SLC44A5: variants seen among roughly 807,000 people sequenced by gnomAD.
SLC44A5 encodes the protein solute carrier family 44 member 5, also known as choline transporter-like protein 5.
Under a neutral mutation model 101.8 loss-of-function variants are expected in SLC44A5, and 57 were observed. The ratio of observed to expected loss-of-function variants is 0.56; its 90% CI spans 0.45 to 0.70. The LOEUF is 0.70. SLC44A5 is among the 30% of genes least tolerant of loss of function. SLC44A5 has a pLI of 0.00. For missense variants in SLC44A5, 737 were observed against 853.1 expected, an observed-to-expected ratio of 0.86 and a Z score of 1.70; for synonymous variants, 281 against 290.9, an observed-to-expected ratio of 0.97 and a Z score of 0.35.
At chr1:75,699,613 A>G in the SLC44A5 span, among the ~76,000 whole-genome samples, 2 of 151,122 alleles carry the variant, frequency 1.3e-5, no homozygotes, top group South Asian at 4.2e-4. Context: ...AAAAAAAAAA[A>G]CACAGCTAAC....
At chr1:75,646,679 A>C in the SLC44A5 span, among the ~76,000 whole-genome samples, 2 of 152,124 alleles carry the variant, frequency 1.3e-5, no homozygotes, top group African/African-American at 4.8e-5. Context: ...TGGTTTTATA[A>C]GGGGCTTTTT....
chr1:75,441,956 A>G (rs186713139), intron 2 of SLC44A5, among the ~76,000 whole-genome samples: 23 of 152,280 alleles, frequency 1.5e-4, no homozygotes, highest in African/African-American at 5.5e-4. Flanking sequence ...ATTCCTACAT[A>G]TATTTCTATA....
chr1:75,294,039 A>C (rs1396551199), intron 5 of SLC44A5, among the ~76,000 whole-genome samples: 1 of 152,228 alleles, frequency 6.6e-6, no homozygotes, highest in Non-Finnish European at 1.5e-5. Flanking sequence ...CATTAAGAAA[A>C]GGTTCCTGGA....
At chr1:75,635,028 C>T in the SLC44A5 span, among the ~76,000 whole-genome samples, 1 of 150,710 alleles carries the variant, frequency 6.6e-6, no homozygotes, top group Non-Finnish European at 1.5e-5. Flanking sequence ...CAAAAGAAGA[C>T]ATTTATGCAG....
Position 75,470,536 on chromosome 1 carries a change from A to C in SLC44A5, c.13+70899T>G, listed in dbSNP as rs751526231. Among the ~76,000 whole-genome samples the C allele has an allele frequency of 2.0e-5, 3 of 152,184 alleles. No homozygotes were observed. In the East Asian group the frequency reaches 5.8e-4, roughly 29 times the overall value. On this transcript the variant is annotated intron_variant, in intron 2 of 23. Transcript: ENST00000370859. ...TTATTATATAGTGTGAAGACTACCA[A>C]GATAGGGAAGGTATAATGGAAGCAC... is the stretch of plus-strand genomic sequence containing the variant.
intron 2 of SLC44A5, among the ~76,000 whole-genome samples, chr1:75,398,668 T>G (rs1288154497): frequency 6.6e-6 from 1 of 152,176 alleles, no homozygotes; most frequent in African/African-American, 2.4e-5. Context: ...CCATACAGTA[T>G]AGTTTTGACT....
chr1:75,444,483 GAAGAAAGAAAGA>G (rs369997923), intron 2 of SLC44A5, among the ~76,000 whole-genome samples: 9 of 140,730 alleles, frequency 6.4e-5, no homozygotes, highest in Admixed American at 5.0e-4. Context: ...GAGAAAGAAA[GAAGAAAGAAAGA>G]AAGAAAGAAA....
chr1:75,348,991 A>C (rs1340132111), intron 3 of SLC44A5, among the ~76,000 whole-genome samples: 3 of 152,236 alleles, frequency 2.0e-5, no homozygotes. Flanking sequence ...AGCAAACTAG[A>C]AAGTAAGTCA....
chr1:75,658,247 T>C, the SLC44A5 span, among the ~76,000 whole-genome samples: 1 of 150,182 alleles, frequency 6.7e-6, no homozygotes, highest in Non-Finnish European at 1.5e-5. Flanking sequence ...CTAATTTTTC[T>C]ATTTTTTTTG....
intron 1 of SLC44A5, among the ~76,000 whole-genome samples, chr1:75,578,626 C>T: frequency 6.6e-6 from 1 of 151,994 alleles, no homozygotes; most frequent in Non-Finnish European, 1.5e-5. Flanking sequence ...TTGACAGGGG[C>T]TGTGGGGGCA....
chr1:75,604,881 T>G (rs932285070), intron 1 of SLC44A5, among the ~76,000 whole-genome samples: 1 of 152,040 alleles, frequency 6.6e-6, no homozygotes, highest in Non-Finnish European at 1.5e-5. Flanking sequence ...TCCTGACACT[T>G]TACTGAAGTC....
intron 2 of SLC44A5, among the ~76,000 whole-genome samples, chr1:75,535,157 T>C (rs182531111): frequency 1.3e-5 from 2 of 151,192 alleles, no homozygotes; most frequent in Non-Finnish European, 2.9e-5. Context: ...GAAACCAGGA[T>C]AACAGGCAGT....
At chr1:75,409,040 T>C (rs898105417) in intron 2 of SLC44A5, among the ~76,000 whole-genome samples, 1 of 152,134 alleles carries the variant, frequency 6.6e-6, no homozygotes, top group Non-Finnish European at 1.5e-5. Context: ...TCACATCCTT[T>C]GCAGCAACAT....
intron 10 of SLC44A5, 115 bp from the exon 11 acceptor site, chr1:75,237,185 C>T (rs1163762880): frequency 1.7e-6 from 1 of 604,874 alleles, no homozygotes; most frequent in African/African-American, 1.8e-5. Context: ...TTTTCAGAAA[C>T]CATCTATCAG....
chr1:75,702,412 G>C, the SLC44A5 span, among the ~76,000 whole-genome samples: 1 of 152,106 alleles, frequency 6.6e-6, no homozygotes, highest in African/African-American at 2.4e-5. Context: ...ATGGGGAAAG[G>C]ATTCCCTATT....
chr1:75,365,556 T>C (rs542658254), intron 3 of SLC44A5, among the ~76,000 whole-genome samples: 27 of 152,310 alleles, frequency 1.8e-4, no homozygotes, highest in Middle Eastern at 3.4e-3. Context: ...CAAAGGAATA[T>C]AAATCATTCT....
intron 2 of SLC44A5, among the ~76,000 whole-genome samples, chr1:75,439,876 C>T (rs924857529): frequency 6.6e-6 from 1 of 151,952 alleles, no homozygotes; most frequent in Non-Finnish European, 1.5e-5. Context: ...AATATCCATT[C>T]TAAGACACAC....
chr1:75,206,947 T>C (rs529042684), intron 23 of SLC44A5, among the ~76,000 whole-genome samples: 2 of 152,316 alleles, frequency 1.3e-5, no homozygotes, highest in African/African-American at 4.8e-5. Context: ...CCCAGAGAGA[T>C]GTATTTTGAT....
rs78719873 is a variant in SLC44A5 at position 75,520,861 on chromosome 1, T to A, written c.13+20574A>T. Among the ~76,000 whole-genome samples, 6 of 152,284 alleles carry A rather than the reference T, an allele frequency of 3.9e-5. No homozygotes were observed. The East Asian group carries it at 1.2e-3, about 29-fold the overall frequency. ...CAATACACTATTTTTCAATTATCCATAATTTACTGAAAAATAAATTCCAAC... is the reference window on the plus strand; with the variant it reads ...CAATACACTATTTTTCAATTATCCAAAATTTACTGAAAAATAAATTCCAAC... On this transcript the variant is annotated intron_variant, in intron 2 of 23. Coordinates refer to ENST00000370859, the MANE Select transcript of SLC44A5 (RefSeq NM_001130058.2).
Sources: allele counts gnomAD v4.1 joint callset (sites outside exome capture counted in the v4.1 genomes callset), GRCh38; gene constraint gnomAD v4.1.1; transcripts MANE v1.5; gene names NCBI Gene and HGNC (gene_info 2026-07-23, HGNC 2026-07-21).